MREG: variants seen among roughly 807,000 people sequenced by gnomAD.
MREG encodes melanoregulin.
A neutral mutation model predicts 28.5 loss-of-function variants in MREG; 31 were observed. The observed-to-expected ratio is 1.09, with a 90% CI of 0.82 to 1.47. The LOEUF is 1.47. Ranked by LOEUF, MREG falls within the 40% of genes most tolerant of loss-of-function variation. MREG has a pLI of 0.00. For missense variants in MREG, 256 were observed against 257.4 expected (o/e 0.99, Z 0.04); for synonymous variants, 106 against 95.2 (o/e 1.11, Z -0.66).
chr2:216,005,842 T>TAAA lies in MREG; in HGVS notation c.95+7388_95+7390dup, dbSNP rs35179294. The stretch of plus-strand genomic sequence containing the variant: ...AACACAAGTTTTTAAAAGATTTTTG[T>TAAA]AAAAAAAAAAAAAAAAAAAGCTAAG... On this transcript the variant is annotated intron_variant, in intron 1 of 4. Coordinates refer to ENST00000263268, the MANE Select transcript of MREG (RefSeq NM_018000.3). Among the ~76,000 whole-genome samples, 264 of 125,900 alleles carry TAAA rather than the reference T, an allele frequency of 2.1e-3. 4 individuals are homozygous for TAAA. Among genetic ancestry groups the TAAA allele is most frequent in the Middle Eastern group, 8.6e-3 (2 of 232 alleles). 82.6% of individuals were successfully genotyped at this position (125,900 alleles called of 152,430 possible).
chr2:215,947,166 A>G (rs950428234), intron 2 of MREG, 53 bp from the exon 3 acceptor site: 2 of 1,144,002 alleles, frequency 1.7e-6, no homozygotes, highest in Non-Finnish European at 2.6e-6. Flanking sequence ...TTAAACCTCT[A>G]TCTCATTCCC....
intron 2 of MREG, among the ~76,000 whole-genome samples, chr2:215,991,519 G>A (rs2106011329): frequency 6.6e-6 from 1 of 151,948 alleles, no homozygotes; most frequent in African/African-American, 2.4e-5. Context: ...AAAGCTAGCA[G>A]AGGACAAGAA....
At chr2:215,939,585 T>TA (rs991387598), downstream of MREG, 1 of 152,164 alleles carries the variant, frequency 6.6e-6, no homozygotes, top group Non-Finnish European at 1.5e-5. Flanking sequence ...AGTAGGCAGA[T>TA]AAAAAACAAA....
chr2:215,947,797 T>A (rs936558714), intron 2 of MREG, among the ~76,000 whole-genome samples: 1 of 152,220 alleles, frequency 6.6e-6, no homozygotes, highest in African/African-American at 2.4e-5. Flanking sequence ...TGTCACAAAT[T>A]CAACTTTATC....
intron 1 of MREG, among the ~76,000 whole-genome samples, chr2:216,010,352 C>CTATTT (rs1332869944): frequency 2.6e-5 from 2 of 75,632 alleles, no homozygotes; most frequent in Admixed American, 3.1e-4. Flanking sequence ...GAAAAGATTT[C>CTATTT]TCTTTTTTTT....
chr2:216,012,708 T>C (rs1559198833), intron 1 of MREG, among the ~76,000 whole-genome samples: 1 of 152,324 alleles, frequency 6.6e-6, no homozygotes, highest in South Asian at 2.1e-4. Flanking sequence ...TGAATCAACA[T>C]CCTAGTGAAT....
In MREG at chr2:215,987,378, C is replaced by G. The variant is rs187834059; in HGVS notation, c.255+8928G>C. ...TCTCCTGCCTCAGCCTCCTGAGTAG[C>G]TGGAATTACAGGTAAGTGCCATCAC... On this transcript the variant is annotated intron_variant, in intron 2 of 4. Transcript: ENST00000263268. Among the ~76,000 whole-genome samples, 371 of 151,842 alleles carry G rather than the reference C, an allele frequency of 2.4e-3. 2 individuals are homozygous for G. The highest frequency in any genetic ancestry group is 3.4e-3 in the Non-Finnish European group (231 of 67,992).
intron 1 of MREG, among the ~76,000 whole-genome samples, chr2:215,999,289 C>A (rs541258096): frequency 1.3e-5 from 2 of 152,306 alleles, no homozygotes; most frequent in Non-Finnish European, 2.9e-5. Context: ...CCTGTCAGGT[C>A]TGGATTTTAG....
intron 2 of MREG, among the ~76,000 whole-genome samples, chr2:215,984,554 T>C (rs1051298069): frequency 6.8e-6 from 1 of 147,688 alleles, no homozygotes; most frequent in Non-Finnish European, 1.5e-5. Context: ...ATTAAGGCTT[T>C]TTTAGGAGAG....
rs1044927985 is a variant in MREG, at chr2:215,961,712, C to T, written c.256-14599G>A. ...AAAGTGCGGGGATTACAGGCATAAG[C>T]CACCACACCCAGCCTCTCCTCCTTT... On this transcript the variant is annotated intron_variant, in intron 2 of 4. Coordinates refer to ENST00000263268, the MANE Select transcript of MREG (RefSeq NM_018000.3). Among the ~76,000 whole-genome samples the T allele has an allele frequency of 2.6e-5, 4 of 152,282 alleles. No homozygotes were observed. In the South Asian group the frequency reaches 8.3e-4, roughly 32 times the overall value.
intron 2 of MREG, among the ~76,000 whole-genome samples, chr2:215,969,568 A>G (rs1693033622): frequency 6.6e-6 from 1 of 152,230 alleles, no homozygotes; most frequent in Non-Finnish European, 1.5e-5. Context: ...TGTATACAGT[A>G]GGTTGCATTA....
In MREG at chr2:215,944,191, G is replaced by T. The variant is rs1027602199; in HGVS notation, c.*672C>A. ...GACAGGGTTTCACCATGTTGGTCAG[G>T]CTGGTCTTGAACTCCTGACCTCATG... On this transcript the variant is annotated 3_prime_UTR_variant, in exon 5 of 5. Coordinates refer to ENST00000263268, the MANE Select transcript of MREG (RefSeq NM_018000.3). The T allele has an allele frequency of 3.3e-5, 5 of 151,970 alleles. No homozygotes were observed. The allele number at this position is 151,970 out of a possible 1,614,324, so 9.4% of individuals were successfully genotyped here.
downstream of MREG, among the ~76,000 whole-genome samples, chr2:215,941,940 C>T (rs898958016): frequency 6.6e-6 from 1 of 152,220 alleles, no homozygotes; most frequent in African/African-American, 2.4e-5. Flanking sequence ...AGTGAGCTCA[C>T]TTCTGTAACA....
At chr2:215,961,584 C>T (rs1232522811) in intron 2 of MREG, among the ~76,000 whole-genome samples, 7 of 152,132 alleles carry the variant, frequency 4.6e-5, no homozygotes, top group Non-Finnish European at 2.9e-5. Context: ...CACCACCATG[C>T]CCGTCTAATT....
chr2:216,009,038 C>T (rs992233068), intron 1 of MREG, among the ~76,000 whole-genome samples: 28 of 152,078 alleles, frequency 1.8e-4, no homozygotes, highest in Admixed American at 1.6e-3. Flanking sequence ...TCTGTAAAGT[C>T]GCTTGAACAC....
At chr2:215,990,313 G>A (rs1444127255) in intron 2 of MREG, among the ~76,000 whole-genome samples, 1 of 152,158 alleles carries the variant, frequency 6.6e-6, no homozygotes, top group Admixed American at 6.5e-5. Flanking sequence ...ATAAGTGAAA[G>A]AGAAATACAA....
chr2:215,949,883 C>T (rs935554230), intron 2 of MREG, among the ~76,000 whole-genome samples: 2 of 152,226 alleles, frequency 1.3e-5, no homozygotes, highest in Admixed American at 1.3e-4. Flanking sequence ...ATATTTTCCT[C>T]TTTCTTTCCT....
At position 215,944,781 on chromosome 2, in the gene MREG, C is replaced by G; in HGVS notation, c.*82G>C. 1 of 1,377,828 alleles carries G rather than the reference C, an allele frequency of 7.3e-7. No individual in the cohort carries two copies. The highest frequency in any genetic ancestry group is 9.8e-7 in the Non-Finnish European group (1 of 1,017,888). The allele number at this position is 1,377,828 out of a possible 1,614,324, so 85.4% of individuals were successfully genotyped here. The stretch of plus-strand genomic sequence containing the variant: ...ACTAAGCAAACTCTATTTGCTCACT[C>G]TCTTCTACATGTAATTGTCCAACTT... On this transcript the variant is annotated 3_prime_UTR_variant, in exon 5 of 5. Transcript: ENST00000263268.
intron 2 of MREG, among the ~76,000 whole-genome samples, chr2:215,962,761 G>A (rs892639343): frequency 2.0e-5 from 3 of 150,394 alleles, no homozygotes; most frequent in Admixed American, 6.6e-5. Flanking sequence ...ATAGCCACAC[G>A]TGGCTACTGA....
Sources: gnomAD v4.1 joint callset for allele counts (sites outside exome capture counted in the v4.1 genomes callset) on GRCh38, gnomAD v4.1.1 for gene constraint, MANE v1.5 for transcripts, NCBI Gene and HGNC (gene_info 2026-07-23, HGNC 2026-07-21) for gene names.